The following NRTN variants were observed in gnomAD, a reference collection of about 807,000 sequenced individuals.
NRTN encodes the protein prepro-neurturin.
NRTN carries 3 observed loss-of-function variants against 7.5 expected under a neutral mutation model. The observed-to-expected ratio is 0.40, with a 90% CI of 0.18 to 1.03. NRTN has a LOEUF of 1.03. Among genes scored for constraint, NRTN ranks in the 50% least tolerant of loss-of-function variants. NRTN has a pLI of 0.34. For missense variants in NRTN, 310 were observed against 307.0 expected (o/e 1.01, Z -0.07); for synonymous variants, 157 against 146.6 (o/e 1.07, Z -0.51).
chr19:5,811,102 A>G (rs547675009), intron 1 of NRTN, among the ~76,000 whole-genome samples: 15 of 151,006 alleles, frequency 9.9e-5, no homozygotes, highest in African/African-American at 1.9e-4. Context: ...AGCTGGGTGT[A>G]GTGGCGTGCA....
At chr19:5,816,893 C>T (rs1339609735) in intron 1 of NRTN, among the ~76,000 whole-genome samples, 1 of 152,146 alleles carries the variant, frequency 6.6e-6, no homozygotes, top group African/African-American at 2.4e-5. Flanking sequence ...GTGAAAACGC[C>T]CTAGCATGTG....
chr19:5,819,217 ATGCAGTGGGGATAAGGGTATTACT>A (rs11273478), intron 1 of NRTN, among the ~76,000 whole-genome samples: 33,133 of 152,084 alleles, frequency 0.22, 3,890 homozygotes, highest in Middle Eastern at 0.35. Context: ...TTTCCCATTC[ATGCAGTGGGGATAAGGGTATTACT>A]TGCAGCCAGG....
intron 1 of NRTN, among the ~76,000 whole-genome samples, chr19:5,808,798 C>T (rs2056981311): frequency 6.7e-6 from 1 of 150,334 alleles, no homozygotes; most frequent in African/African-American, 2.5e-5. Context: ...CTCTGTCACC[C>T]AGGTTGGAGT....
intron 1 of NRTN, among the ~76,000 whole-genome samples, chr19:5,810,224 G>A (rs935272674): frequency 2.6e-4 from 38 of 144,330 alleles, no homozygotes; most frequent in African/African-American, 6.8e-4. Flanking sequence ...CCGAGATCGC[G>A]CCACTGCACT....
intron 1 of NRTN, among the ~76,000 whole-genome samples, chr19:5,817,107 C>T (rs927355230): frequency 5.3e-5 from 8 of 151,394 alleles, no homozygotes; most frequent in African/African-American, 1.9e-4. Context: ...GAGGCTGAGG[C>T]GGGAGGATTG....
chr19:5,819,856 GAA>G (rs372188986), intron 1 of NRTN, among the ~76,000 whole-genome samples: 1 of 145,690 alleles, frequency 6.9e-6, no homozygotes, highest in Admixed American at 6.9e-5. Context: ...TCTCAAGAAA[GAA>G]AAAAAAAAGT....
intron 1 of NRTN, among the ~76,000 whole-genome samples, chr19:5,808,757 C>CTTT (rs60945267): frequency 1.5e-5 from 2 of 130,400 alleles, no homozygotes; most frequent in Non-Finnish European, 3.2e-5. Context: ...TCAATGGTGG[C>CTTT]TTTTTTTTTT....
At chr19:5,815,429 T>G (rs939585220) in intron 1 of NRTN, among the ~76,000 whole-genome samples, 6 of 146,088 alleles carry the variant, frequency 4.1e-5, no homozygotes, top group Non-Finnish European at 6.0e-5. Context: ...TGAGTGTGAT[T>G]TTTTTTTTTT....
At chr19:5,823,033 GAA>G (rs1174205941) in intron 1 of NRTN, among the ~76,000 whole-genome samples, 4 of 133,990 alleles carry the variant, frequency 3.0e-5, no homozygotes, top group Admixed American at 7.5e-5. Flanking sequence ...CAAAAAAAAA[GAA>G]AGAGAGAGAG....
intron 1 of NRTN, among the ~76,000 whole-genome samples, chr19:5,822,539 G>T (rs1417720995): frequency 6.6e-6 from 1 of 152,222 alleles, no homozygotes; most frequent in Non-Finnish European, 1.5e-5. Context: ...GCAGTGAGGA[G>T]GATGCCACCA....
intron 1 of NRTN, among the ~76,000 whole-genome samples, chr19:5,817,357 A>G (rs1473685478): frequency 1.3e-5 from 2 of 149,654 alleles, no homozygotes; most frequent in Non-Finnish European, 3.0e-5. Context: ...CTATCAAAGA[A>G]AGAGAGAGAG....
chr19:5,827,836 G>GGGCGGGGCCCC lies in NRTN; in HGVS notation c.263_273dup (p.Arg92GlyfsTer25). 8.6e-7 allele frequency: 1 copy of GGGCGGGGCCCC among 1,166,560 alleles called. No homozygotes were observed. The highest frequency in any genetic ancestry group is 1.1e-6 in the Non-Finnish European group (1 of 949,050). 72.3% of individuals were successfully genotyped at this position (1,166,560 alleles called of 1,614,324 possible). On this transcript the variant is annotated frameshift_variant, in exon 3 of 3. Coordinates refer to ENST00000303212, the MANE Select transcript of NRTN (RefSeq NM_004558.5). LOFTEE classifies it low-confidence loss of function (END_TRUNC). Reference sequence around the variant, plus strand: ...GGGCGGCCCCCAGGTCCGCGCCGTCGGGCGGGGCCCCGGCGGCGGCGCGCG... The same window carrying GGGCGGGGCCCC: ...GGGCGGCCCCCAGGTCCGCGCCGTCGGGCGGGGCCCCGGCGGGGCCCCGGCGGCGGCGCGCG...
intron 2 of NRTN, among the ~76,000 whole-genome samples, chr19:5,827,176 G>A (rs1192677508): frequency 2.0e-5 from 3 of 152,140 alleles, no homozygotes; most frequent in Non-Finnish European, 4.4e-5. Flanking sequence ...TGAAAAGCCC[G>A]GGGCCTCAGA....
intron 1 of NRTN, among the ~76,000 whole-genome samples, chr19:5,817,308 T>C (rs1340509004): frequency 6.6e-6 from 1 of 151,124 alleles, no homozygotes; most frequent in Non-Finnish European, 1.5e-5. Flanking sequence ...GAGCCGAGGT[T>C]GCGCCACTGC....
intron 1 of NRTN, among the ~76,000 whole-genome samples, chr19:5,810,927 CA>C (rs58641753): frequency 0.081 from 11,084 of 136,018 alleles, 1,353 homozygotes; most frequent in African/African-American, 0.27. Flanking sequence ...GACTCCATCT[CA>C]AAAAAAAAAA....
Position 5,820,137 on chromosome 19 carries a change from A to T in NRTN, c.-398-3631A>T, listed in dbSNP as rs1168633460. Among the ~76,000 whole-genome samples the T allele has an allele frequency of 2.1e-5, 3 of 141,412 alleles. 1 individual carries two copies. The highest frequency in any genetic ancestry group is 8.7e-5 in the African/African-American group (3 of 34,616). 92.8% of individuals were successfully genotyped at this position (141,412 alleles called of 152,430 possible). On this transcript the variant is annotated intron_variant, in intron 1 of 2. Coordinates refer to ENST00000303212, the MANE Select transcript of NRTN (RefSeq NM_004558.5). ...AAAATTTAGCTGGGCGTGGTGGCAG[A>T]CGCCTGTAGTCCCAGCTACTCAGGA...
chr19:5,808,977 G>C (rs2056982057), intron 1 of NRTN, among the ~76,000 whole-genome samples: 1 of 151,748 alleles, frequency 6.6e-6, no homozygotes, highest in Non-Finnish European at 1.5e-5. Flanking sequence ...GGATGGTCTT[G>C]ATCTCCTGAC....
intron 1 of NRTN, among the ~76,000 whole-genome samples, chr19:5,815,427 A>ATTT (rs754233565): frequency 2.2e-3 from 267 of 120,024 alleles, no homozygotes; most frequent in East Asian, 0.015. Flanking sequence ...TGTGAGTGTG[A>ATTT]TTTTTTTTTT....
intron 1 of NRTN, among the ~76,000 whole-genome samples, chr19:5,818,382 C>A (rs991184319): frequency 1.3e-5 from 2 of 151,950 alleles, no homozygotes; most frequent in East Asian, 1.9e-4. Context: ...TATGAAAGAA[C>A]CTGAGTGTGA....
Sources: gnomAD v4.1 joint callset for allele counts (sites outside exome capture counted in the v4.1 genomes callset) on GRCh38, gnomAD v4.1.1 for gene constraint, MANE v1.5 for transcripts, NCBI Gene and HGNC (gene_info 2026-07-23, HGNC 2026-07-21) for gene names.